Variants in SGCD observed in about 807,000 individuals in gnomAD.
SGCD encodes delta-sarcoglycan.
Under a neutral mutation model 36.6 loss-of-function variants are expected in SGCD, and 18 were observed. The ratio of observed to expected loss-of-function variants is 0.49; its 90% CI spans 0.34 to 0.73. The LOEUF (loss-of-function observed/expected upper bound fraction) is 0.73, where lower values mean the gene tolerates loss of function less well. Ranked by LOEUF, SGCD falls within the 30% of genes least tolerant of loss-of-function variation. SGCD has a pLI of 0.01. For missense variants in SGCD, 387 were observed against 346.7 expected (o/e 1.12, Z -0.92); for synonymous variants, 133 against 130.6 (o/e 1.02, Z -0.12).
chr5:156,495,869 G>A (rs903257754), intron 3 of SGCD, among the ~76,000 whole-genome samples: 2 of 152,076 alleles, frequency 1.3e-5, no homozygotes. Context: ...TCAGACAATC[G>A]ATAAATTCCC....
intron 7 of SGCD, among the ~76,000 whole-genome samples, chr5:156,716,924 T>C (rs1755248614): frequency 6.6e-6 from 1 of 152,240 alleles, no homozygotes; most frequent in Non-Finnish European, 1.5e-5. Context: ...CTCCATATTA[T>C]GCTTTTTAAT....
intron 3 of SGCD, among the ~76,000 whole-genome samples, chr5:156,270,220 G>T (rs1426989727): frequency 1.3e-5 from 2 of 151,998 alleles, no homozygotes; most frequent in African/African-American, 4.8e-5. Flanking sequence ...CTGTTCCATT[G>T]GTCTATATGT....
intron 1 of SGCD, among the ~76,000 whole-genome samples, chr5:156,002,499 C>T (rs1475993644): frequency 2.0e-5 from 3 of 152,200 alleles, no homozygotes; most frequent in Non-Finnish European, 2.9e-5. Context: ...TGGGCATGCC[C>T]ATTGAAGAGA....
chr5:156,077,163 C>T (rs1462666062), intron 1 of SGCD, among the ~76,000 whole-genome samples: 1 of 152,124 alleles, frequency 6.6e-6, no homozygotes, highest in East Asian at 1.9e-4. Context: ...AATGTGACCT[C>T]TTTTTGATAA....
chr5:156,334,425 C>T (rs1051104234), intron 2 of SGCD, among the ~76,000 whole-genome samples: 2 of 152,178 alleles, frequency 1.3e-5, no homozygotes, highest in Non-Finnish European at 2.9e-5. Context: ...ATATTCTTTT[C>T]TGGTCCTCAC....
At chr5:156,384,175 G>T (rs1028348980) in intron 3 of SGCD, among the ~76,000 whole-genome samples, 1 of 152,192 alleles carries the variant, frequency 6.6e-6, no homozygotes, top group African/African-American at 2.4e-5. Context: ...TGGATACTTC[G>T]CATTGCTGGA....
chr5:156,756,533 C>T (rs1207705768), intron 7 of SGCD, among the ~76,000 whole-genome samples: 3 of 152,140 alleles, frequency 2.0e-5, no homozygotes, highest in Admixed American at 6.5e-5. Flanking sequence ...GGGTGAGACC[C>T]TGTTTCTAAG....
At chr5:155,848,183 G>T in the SGCD span, among the ~76,000 whole-genome samples, 1 of 152,194 alleles carries the variant, frequency 6.6e-6, no homozygotes, top group African/African-American at 2.4e-5. Context: ...ACATTCTCAG[G>T]AGGTGGTGAG....
the SGCD span, among the ~76,000 whole-genome samples, chr5:155,797,010 A>G: frequency 6.6e-6 from 1 of 152,128 alleles, no homozygotes; most frequent in African/African-American, 2.4e-5. Context: ...TAAATTTAAT[A>G]GCAAAACTAA....
At chr5:155,797,801 A>G in the SGCD span, among the ~76,000 whole-genome samples, 1 of 152,188 alleles carries the variant, frequency 6.6e-6, no homozygotes. Flanking sequence ...TTTCCATTCT[A>G]CCTCCTTGAG....
chr5:156,219,257 A>G (rs1385187070), intron 3 of SGCD, among the ~76,000 whole-genome samples: 1 of 152,230 alleles, frequency 6.6e-6, no homozygotes, highest in African/African-American at 2.4e-5. Context: ...TATATTAAGT[A>G]TCATATAAGG....
chr5:156,677,750 T>C (rs558071681), intron 7 of SGCD, among the ~76,000 whole-genome samples: 1 of 152,278 alleles, frequency 6.6e-6, no homozygotes, highest in South Asian at 2.1e-4. Context: ...CCCATATTCT[T>C]CTTGCTAAAC....
intron 3 of SGCD, among the ~76,000 whole-genome samples, chr5:156,228,140 G>A (rs765416741): frequency 1.3e-5 from 2 of 152,034 alleles, no homozygotes; most frequent in Admixed American, 6.6e-5. Flanking sequence ...AAAATGTTCC[G>A]TATGTATCTG....
intron 3 of SGCD, among the ~76,000 whole-genome samples, chr5:156,321,688 G>A (rs1382382805): frequency 2.0e-5 from 3 of 152,150 alleles, no homozygotes; most frequent in Non-Finnish European, 4.4e-5. Flanking sequence ...GGATGAGCAT[G>A]TGGCTCAATC....
intron 1 of SGCD, among the ~76,000 whole-genome samples, chr5:155,951,788 T>G (rs1253895464): frequency 1.3e-5 from 2 of 152,294 alleles, no homozygotes; most frequent in African/African-American, 4.8e-5. Context: ...GGGTCTGACC[T>G]GCCTGGATAT....
chr5:155,846,699 C>A, the SGCD span, among the ~76,000 whole-genome samples: 1 of 152,174 alleles, frequency 6.6e-6, no homozygotes. Flanking sequence ...TTCTTCATCT[C>A]TAAATGTATT....
chr5:156,408,935 G>T (rs1013426044), intron 3 of SGCD, among the ~76,000 whole-genome samples: 2 of 152,108 alleles, frequency 1.3e-5, no homozygotes, highest in Non-Finnish European at 2.9e-5. Flanking sequence ...GCCCCTCTTT[G>T]CTCACAGCTG....
chr5:156,095,538 C>T (rs191408686), intron 1 of SGCD, among the ~76,000 whole-genome samples: 34 of 152,280 alleles, frequency 2.2e-4, no homozygotes, highest in Middle Eastern at 6.8e-3. Flanking sequence ...TCACACTCTT[C>T]TTTTCCCCAC....
At chr5:155,967,159 T>C (rs13357965) in intron 1 of SGCD, among the ~76,000 whole-genome samples, 3,498 of 152,172 alleles carry the variant, frequency 0.023, 133 homozygotes, top group African/African-American at 0.074. Flanking sequence ...AGTATAATTC[T>C]GTGCTTGCCT....
Sources: allele counts gnomAD v4.1 joint callset (sites outside exome capture counted in the v4.1 genomes callset), GRCh38; gene constraint gnomAD v4.1.1; transcripts MANE v1.5; gene names NCBI Gene and HGNC (gene_info 2026-07-23, HGNC 2026-07-21).